The following HEMK2 variants were observed in gnomAD, a reference collection of about 807,000 sequenced individuals.
HEMK2 encodes the protein HemK methyltransferase 2, ETF1 glutamine and histone H4 lysine.
the HEMK2 span, among the ~76,000 whole-genome samples, chr21:28,752,255 G>A: frequency 3.3e-5 from 5 of 152,258 alleles, no homozygotes; most frequent in East Asian, 7.7e-4. Flanking sequence ...TAACTGGAAG[G>A]AGCATCATCA....
the HEMK2 span, among the ~76,000 whole-genome samples, chr21:28,722,051 C>T: frequency 1.3e-5 from 2 of 151,658 alleles, no homozygotes; most frequent in East Asian, 1.9e-4. Context: ...AAGAAACAGA[C>T]ATTTTTATAA....
At chr21:28,838,063 AAAAATAGCCCAGGACC>A in the HEMK2 span, among the ~76,000 whole-genome samples, 2 of 152,220 alleles carry the variant, frequency 1.3e-5, no homozygotes, top group African/African-American at 4.8e-5. Flanking sequence ...CTGCCAACAA[AAAAATAGCCCAGGACC>A]TGACAGATTC....
the HEMK2 span, among the ~76,000 whole-genome samples, chr21:28,846,999 G>A: frequency 2.6e-5 from 4 of 152,110 alleles, no homozygotes; most frequent in African/African-American, 7.2e-5. Context: ...GTATTCTGTG[G>A]TATATATGTA....
chr21:28,602,788 A>G, the HEMK2 span, among the ~76,000 whole-genome samples: 1 of 152,074 alleles, frequency 6.6e-6, no homozygotes, highest in African/African-American at 2.4e-5. Context: ...TATCTCACTA[A>G]CCCTCCAGCC....
At chr21:28,809,935 C>CA in the HEMK2 span, among the ~76,000 whole-genome samples, 8 of 152,236 alleles carry the variant, frequency 5.3e-5, no homozygotes, top group African/African-American at 1.9e-4. Context: ...TTTCTGGGCA[C>CA]AAATTTCCTT....
the HEMK2 span, among the ~76,000 whole-genome samples, chr21:28,607,410 CA>C: frequency 1.2e-4 from 17 of 147,348 alleles, no homozygotes; most frequent in African/African-American, 3.5e-4. Flanking sequence ...GACTCCATCT[CA>C]AAAAAAAAAT....
the HEMK2 span, among the ~76,000 whole-genome samples, chr21:28,854,000 G>A: frequency 5.9e-5 from 9 of 152,088 alleles, no homozygotes; most frequent in African/African-American, 2.2e-4. Context: ...CACAATTTCA[G>A]CTCTTTCTCG....
At chr21:28,597,967 A>C in the HEMK2 span, among the ~76,000 whole-genome samples, 3,078 of 152,334 alleles carry the variant, frequency 0.02, 41 homozygotes, top group Non-Finnish European at 0.033. Flanking sequence ...GCAACAAAAG[A>C]AGCATGAACT....
the HEMK2 span, among the ~76,000 whole-genome samples, chr21:28,866,175 A>AAAAACAC: frequency 2.9e-3 from 221 of 76,214 alleles, 30 homozygotes; most frequent in African/African-American, 9.7e-3. Flanking sequence ...CAAAAAAAAA[A>AAAAACAC]ACACACACAC....
chr21:28,783,410 C>T, the HEMK2 span, among the ~76,000 whole-genome samples: 4 of 152,194 alleles, frequency 2.6e-5, no homozygotes, highest in Non-Finnish European at 5.9e-5. Context: ...GTCTCGAACT[C>T]CTGACCTCAG....
At chr21:28,763,199 G>A in the HEMK2 span, among the ~76,000 whole-genome samples, 3 of 152,106 alleles carry the variant, frequency 2.0e-5, no homozygotes, top group African/African-American at 4.8e-5. Context: ...TTAGTCCATC[G>A]TTTTGCTATA....
chr21:28,620,677 T>TTTTTTTTTTTTTTTG, the HEMK2 span, among the ~76,000 whole-genome samples: 1 of 113,674 alleles, frequency 8.8e-6, no homozygotes, highest in Non-Finnish European at 1.8e-5. Context: ...TTTTTTTTTT[T>TTTTTTTTTTTTTTTG]TTTTTTTTTT....
the HEMK2 span, among the ~76,000 whole-genome samples, chr21:28,836,493 T>A: frequency 1.3e-5 from 2 of 151,628 alleles, no homozygotes; most frequent in South Asian, 2.1e-4. Flanking sequence ...GAGCTCTAAA[T>A]CTTGAAAAAA....
At chr21:28,814,397 TA>T in the HEMK2 span, among the ~76,000 whole-genome samples, 1 of 151,528 alleles carries the variant, frequency 6.6e-6, no homozygotes, top group Non-Finnish European at 1.5e-5. Flanking sequence ...CTAATTAAAC[TA>T]AAGAGCTTCT....
At chr21:28,595,438 T>C in the HEMK2 span, among the ~76,000 whole-genome samples, 4 of 152,292 alleles carry the variant, frequency 2.6e-5, no homozygotes, top group Admixed American at 2.6e-4. Context: ...GTGATGGTTG[T>C]CTTTCTGTGC....
chr21:28,609,566 GGAAA>G, the HEMK2 span, among the ~76,000 whole-genome samples: 4 of 41,788 alleles, frequency 9.6e-5, no homozygotes, highest in African/African-American at 2.2e-4. Context: ...TGAATTGCCA[GGAAA>G]AAAAAAAAAA....
chr21:28,866,738 A>C, the HEMK2 span, among the ~76,000 whole-genome samples: 2 of 152,210 alleles, frequency 1.3e-5, no homozygotes, highest in African/African-American at 4.8e-5. Context: ...GTCTCAAAAA[A>C]CAAAAAAAGG....
At chr21:28,858,091 T>C in the HEMK2 span, among the ~76,000 whole-genome samples, 2 of 152,242 alleles carry the variant, frequency 1.3e-5, no homozygotes, top group African/African-American at 4.8e-5. Flanking sequence ...CACATGCTCC[T>C]TTCTTTTTAT....
chr21:28,678,973 G>T, the HEMK2 span, among the ~76,000 whole-genome samples: 2 of 152,204 alleles, frequency 1.3e-5, no homozygotes, highest in Non-Finnish European at 2.9e-5. Context: ...AGGCTAGGAA[G>T]AAAACGCATC....
Sources: gnomAD v4.1 joint callset for allele counts (sites outside exome capture counted in the v4.1 genomes callset) on GRCh38, gnomAD v4.1.1 for gene constraint, MANE v1.5 for transcripts, NCBI Gene and HGNC (gene_info 2026-07-23, HGNC 2026-07-21) for gene names.